The following CA10 variants were observed in gnomAD, a reference collection of about 807,000 sequenced individuals.
CA10 encodes carbonic anhydrase-related protein 10.
In CA10, 14 loss-of-function variants were observed where a neutral mutation model predicts 44.2. That is an observed-to-expected ratio of 0.32 (90% CI 0.21 to 0.50). CA10 has a LOEUF of 0.50. Among genes scored for constraint, CA10 ranks in the 20% least tolerant of loss-of-function variants. CA10 has a pLI of 0.99. For missense variants in CA10, 350 were observed against 409.7 expected (o/e 0.85, Z 1.26); for synonymous variants, 159 against 141.6 (o/e 1.12, Z -0.87).
chr17:52,076,939 T>C (rs1228742470), intron 1 of CA10, among the ~76,000 whole-genome samples: 1 of 152,136 alleles, frequency 6.6e-6, no homozygotes, highest in Admixed American at 6.5e-5. Context: ...AATTTTTTAA[T>C]GTGCAACCAG....
At chr17:51,756,451 T>C (rs1905081795) in intron 3 of CA10, among the ~76,000 whole-genome samples, 2 of 150,494 alleles carry the variant, frequency 1.3e-5, no homozygotes, top group South Asian at 4.2e-4. Flanking sequence ...GAGTGCTGAG[T>C]GCTGGGGAAA....
At chr17:52,073,383 A>G (rs1037362340) in intron 1 of CA10, among the ~76,000 whole-genome samples, 2 of 152,082 alleles carry the variant, frequency 1.3e-5, no homozygotes, top group Non-Finnish European at 2.9e-5. Context: ...TTTCCAGATA[A>G]GCTTGGACTG....
chr17:51,737,824 A>T (rs1480166500), intron 4 of CA10, among the ~76,000 whole-genome samples: 1 of 152,042 alleles, frequency 6.6e-6, no homozygotes, highest in Admixed American at 6.6e-5. Flanking sequence ...TCACCAGCAG[A>T]TCCAATGAAT....
At position 52,108,211 on chromosome 17, in the gene CA10, T is replaced by A. The variant is rs1160502129; in HGVS notation, c.62-35818A>T. The stretch of plus-strand genomic sequence containing the variant: ...TATATTTTTTATATATATATATATA[T>A]ATATATATATATATAATATGTATAT... On this transcript the variant is annotated intron_variant, in intron 1 of 8. Coordinates refer to ENST00000451037, the MANE Select transcript of CA10 (RefSeq NM_020178.5). 3.3e-4 allele frequency among the ~76,000 whole-genome samples: 38 copies of A among 113,646 alleles called. No homozygotes were observed. In the Admixed American group the frequency reaches 3.7e-3, roughly 11 times the overall value. The allele number at this position is 113,646 out of a possible 152,430, so 74.6% of individuals were successfully genotyped here.
intron 3 of CA10, among the ~76,000 whole-genome samples, chr17:51,824,528 C>T: frequency 6.6e-6 from 1 of 152,074 alleles, no homozygotes; most frequent in Non-Finnish European, 1.5e-5. Context: ...TGCCAAAAAC[C>T]CTAGGATGAA....
intron 2 of CA10, among the ~76,000 whole-genome samples, chr17:52,039,476 GC>G (rs1986709531): frequency 6.6e-6 from 1 of 151,968 alleles, no homozygotes; most frequent in Non-Finnish European, 1.5e-5. Flanking sequence ...TCTATCCAAA[GC>G]CCAGACAGAT....
rs531054132 is a variant in CA10, at chr17:51,822,411, T to C, written c.280-74593A>G. ...GCCTGGGTGACAGAGCAAGACTTTG[T>C]CTCAAAAAAACAAAACAAAAACAAA... On this transcript the variant is annotated intron_variant, in intron 3 of 8. Coordinates refer to ENST00000451037, the MANE Select transcript of CA10 (RefSeq NM_020178.5). Among the ~76,000 whole-genome samples, 7 of 143,976 alleles carry C rather than the reference T, an allele frequency of 4.9e-5. No individual in the cohort carries two copies. In the East Asian group the frequency reaches 1.5e-3, roughly 30 times the overall value. The allele number at this position is 143,976 out of a possible 152,430, so 94.5% of individuals were successfully genotyped here.
chr17:51,944,261 A>G (rs1295191216), intron 2 of CA10, among the ~76,000 whole-genome samples: 1 of 152,168 alleles, frequency 6.6e-6, no homozygotes, highest in Non-Finnish European at 1.5e-5. Flanking sequence ...CAGTGAATAT[A>G]CCAGGACTAT....
chr17:51,928,242 T>C (rs1462968953), intron 3 of CA10, among the ~76,000 whole-genome samples: 1 of 152,164 alleles, frequency 6.6e-6, no homozygotes, highest in African/African-American at 2.4e-5. Flanking sequence ...ACTTTTTGCA[T>C]GAAACACAGT....
chr17:52,110,060 A>C (rs1011977659), intron 1 of CA10, among the ~76,000 whole-genome samples: 2 of 152,132 alleles, frequency 1.3e-5, no homozygotes. Context: ...CAAAGCATAA[A>C]ATACCCCAGA....
At chr17:51,829,936 C>T (rs920259648) in intron 3 of CA10, among the ~76,000 whole-genome samples, 7 of 152,122 alleles carry the variant, frequency 4.6e-5, no homozygotes, top group African/African-American at 1.4e-4. Flanking sequence ...CGGTGGCTCA[C>T]GCCTGTAATC....
At chr17:51,830,891 A>G (rs1908215109) in intron 3 of CA10, among the ~76,000 whole-genome samples, 1 of 152,210 alleles carries the variant, frequency 6.6e-6, no homozygotes, top group Non-Finnish European at 1.5e-5. Context: ...TGGTATTTTC[A>G]GACTCCTTCA....
chr17:51,679,231 TC>T (rs2143382828), intron 4 of CA10, among the ~76,000 whole-genome samples: 1 of 151,346 alleles, frequency 6.6e-6, no homozygotes, highest in Admixed American at 6.6e-5. Context: ...ATTCATTATG[TC>T]TGGGGCAGGG....
chr17:51,848,641 G>C (rs1007436100), intron 3 of CA10, among the ~76,000 whole-genome samples: 1 of 152,216 alleles, frequency 6.6e-6, no homozygotes, highest in East Asian at 1.9e-4. Flanking sequence ...CCCAATATGA[G>C]CCTGGGACAA....
At chr17:51,914,268 G>T (rs931447569) in intron 3 of CA10, among the ~76,000 whole-genome samples, 33 of 152,168 alleles carry the variant, frequency 2.2e-4, no homozygotes, top group African/African-American at 7.7e-4. Context: ...GACAGAGAGA[G>T]CACCATTGCC....
chr17:51,824,761 A>G (rs1907945140), intron 3 of CA10, among the ~76,000 whole-genome samples: 1 of 152,200 alleles, frequency 6.6e-6, no homozygotes, highest in Admixed American at 6.5e-5. Flanking sequence ...AGACTTTGGG[A>G]TATCGGCCTC....
chr17:52,050,788 C>A (rs367814373), intron 2 of CA10, among the ~76,000 whole-genome samples: 61 of 152,148 alleles, frequency 4.0e-4, no homozygotes, highest in African/African-American at 1.4e-3. Flanking sequence ...GCAAGGCCCC[C>A]CAACTCTTAT....
intron 5 of CA10, 64 bp downstream of exon 5, chr17:51,653,577 C>T (rs919801920): frequency 1.4e-5 from 13 of 905,558 alleles, no homozygotes; most frequent in Admixed American, 5.1e-5. Flanking sequence ...CAACAGAGAC[C>T]GTAAATTGGT....
chr17:51,700,494 G>T (rs1437183224), intron 4 of CA10, among the ~76,000 whole-genome samples: 2 of 152,160 alleles, frequency 1.3e-5, no homozygotes, highest in Admixed American at 1.3e-4. Flanking sequence ...ACATGGCACA[G>T]TTCCATGGGC....
Sources: gnomAD v4.1 joint callset for allele counts (sites outside exome capture counted in the v4.1 genomes callset) on GRCh38, gnomAD v4.1.1 for gene constraint, MANE v1.5 for transcripts, NCBI Gene and HGNC (gene_info 2026-07-23, HGNC 2026-07-21) for gene names.